PRKCB: variants seen among roughly 807,000 people sequenced by gnomAD.
PRKCB encodes the protein protein kinase C beta, also known as protein kinase C beta type.
Under a neutral mutation model 81.5 loss-of-function variants are expected in PRKCB, and 13 were observed. That is an observed-to-expected ratio of 0.16 (90% CI 0.10 to 0.25). The LOEUF (loss-of-function observed/expected upper bound fraction) is 0.25, where lower values mean the gene tolerates loss of function less well. Among genes scored for constraint, PRKCB ranks in the 10% least tolerant of loss-of-function variants. The pLI, the probability that PRKCB is intolerant of heterozygous loss-of-function variation, is 1.00. For missense variants in PRKCB, 509 were observed against 875.7 expected, an observed-to-expected ratio of 0.58 and a Z score of 5.29; for synonymous variants, 335 against 321.4, an observed-to-expected ratio of 1.04 and a Z score of -0.45.
chr16:24,213,611 T>C (rs1968180130), intron 16 of PRKCB, among the ~76,000 whole-genome samples: 1 of 152,232 alleles, frequency 6.6e-6, no homozygotes, highest in Non-Finnish European at 1.5e-5. Context: ...ATAATTGTTA[T>C]TACTCCTACT....
At chr16:23,915,709 A>AAAAAAAAAAAAAAAC in intron 2 of PRKCB, among the ~76,000 whole-genome samples, 1 of 150,842 alleles carries the variant, frequency 6.6e-6, no homozygotes, top group African/African-American at 2.4e-5. Context: ...AAAAAAAAAA[A>AAAAAAAAAAAAAAAC]AAAGCAGAAA....
chr16:24,166,236 A>T (rs575391342), intron 10 of PRKCB, among the ~76,000 whole-genome samples: 1 of 152,316 alleles, frequency 6.6e-6, no homozygotes, highest in South Asian at 2.1e-4. Context: ...TGACTTTGGT[A>T]TGAAGTTAAA....
intron 15 of PRKCB, among the ~76,000 whole-genome samples, chr16:24,188,308 C>T (rs1309037476): frequency 6.6e-6 from 1 of 152,196 alleles, no homozygotes; most frequent in Non-Finnish European, 1.5e-5. Context: ...CAGCCAAATG[C>T]TTCCTCTGGA....
At chr16:24,156,272 C>T (rs1967154474) in intron 10 of PRKCB, among the ~76,000 whole-genome samples, 1 of 151,834 alleles carries the variant, frequency 6.6e-6, no homozygotes, top group African/African-American at 2.4e-5. Context: ...CCAAGGGTGG[C>T]TAAAGTTGGC....
At chr16:24,128,430 G>A (rs552156961) in intron 9 of PRKCB, among the ~76,000 whole-genome samples, 1 of 152,358 alleles carries the variant, frequency 6.6e-6, no homozygotes, top group East Asian at 1.9e-4. Context: ...CTAGGGAATG[G>A]CACAAGCCTT....
intron 2 of PRKCB, among the ~76,000 whole-genome samples, chr16:23,956,261 G>A (rs1486763104): frequency 2.0e-5 from 3 of 151,964 alleles, no homozygotes; most frequent in Non-Finnish European, 4.4e-5. Flanking sequence ...GGGACTACAG[G>A]CACGCGCCAC....
rs189562348 is a variant in PRKCB at position 23,947,908 on chromosome 16, A to G, written c.206-40600A>G. Among the ~76,000 whole-genome samples the G allele has an allele frequency of 1.2e-3, 125 of 108,314 alleles. 1 individual carries two copies. The East Asian group carries it at 0.035, about 30-fold the overall frequency. 71.1% of individuals were successfully genotyped at this position (108,314 alleles called of 152,430 possible). Reference sequence around the variant, plus strand: ...CGCTTTTTTTTTTTTTTTTTTTAATATTTGTGAATTCGCCACCTCATAAAC... The same window carrying G: ...CGCTTTTTTTTTTTTTTTTTTTAATGTTTGTGAATTCGCCACCTCATAAAC... On this transcript the variant is annotated intron_variant, in intron 2 of 16. Coordinates refer to ENST00000643927, the MANE Select transcript of PRKCB (RefSeq NM_002738.7).
chr16:24,043,259 A>G (rs1206491182), intron 5 of PRKCB, among the ~76,000 whole-genome samples: 2 of 152,140 alleles, frequency 1.3e-5, no homozygotes, highest in South Asian at 4.1e-4. Context: ...ATGACATGAA[A>G]CTTAATAGTT....
At chr16:24,089,922 C>T (rs1440606518) in intron 5 of PRKCB, among the ~76,000 whole-genome samples, 1 of 152,104 alleles carries the variant, frequency 6.6e-6, no homozygotes, top group Non-Finnish European at 1.5e-5. Flanking sequence ...CTGTGCTAAA[C>T]ATGTATATTC....
In PRKCB at chr16:24,216,711, G is replaced by A. The variant is rs1264965527; in HGVS notation, c.*1895G>A. ...CTGTCCCCACTGTGGTGGCAATCAG[G>A]ACCTAAGGTGAAGCAAACTTGAAGT... On this transcript the variant is annotated 3_prime_UTR_variant, in exon 17 of 17. Transcript: ENST00000643927. The A allele has an allele frequency of 7.1e-6, 7 of 985,368 alleles. No individual in the cohort carries two copies. The African/African-American group carries it at 1.0e-4, about 15-fold the overall frequency. 61.0% of individuals were successfully genotyped at this position (985,368 alleles called of 1,614,324 possible).
intron 2 of PRKCB, among the ~76,000 whole-genome samples, chr16:23,905,786 G>A (rs1271641809): frequency 6.6e-6 from 1 of 152,116 alleles, no homozygotes; most frequent in Non-Finnish European, 1.5e-5. Context: ...GATTGACTCT[G>A]TACCCACCCC....
At chr16:24,197,311 G>A (rs1967894073) in intron 16 of PRKCB, among the ~76,000 whole-genome samples, 1 of 152,140 alleles carries the variant, frequency 6.6e-6, no homozygotes, top group Non-Finnish European at 1.5e-5. Context: ...AGTAGGTGGA[G>A]AAAATGACGT....
At chr16:23,906,131 A>G (rs2141727842) in intron 2 of PRKCB, among the ~76,000 whole-genome samples, 1 of 152,326 alleles carries the variant, frequency 6.6e-6, no homozygotes, top group Admixed American at 6.5e-5. Context: ...ATGTTGCTGA[A>G]TTGCTTTCTG....
intron 2 of PRKCB, among the ~76,000 whole-genome samples, chr16:23,967,538 A>G (rs1288569712): frequency 6.6e-6 from 1 of 152,268 alleles, no homozygotes. Context: ...TTAGGTTGCT[A>G]TCAGGAACAA....
chr16:24,080,144 G>A (rs1180985197), intron 5 of PRKCB, among the ~76,000 whole-genome samples: 1 of 152,154 alleles, frequency 6.6e-6, no homozygotes, highest in Non-Finnish European at 1.5e-5. Flanking sequence ...GAAGACCACA[G>A]GCAGGAAACC....
chr16:23,836,216 A>G lies in PRKCB; in HGVS notation c.41A>G (p.Glu14Gly), dbSNP rs1243136292. ...PAAGPPPSEGEESTVRFARKG... is the reference protein window; with the variant it reads ...PAAGPPPSEGGESTVRFARKG... ...GCGGGGCCGCCGCCGAGCGAGGGCG[A>G]GGAGAGCACCGTGCGCTTCGCCCGC... Residue 14 changes from glutamate to glycine, a missense_variant, in exon 1 of 17, where the codon GAG (glutamate) becomes GGG (glycine). Coordinates refer to ENST00000643927, the MANE Select transcript of PRKCB (RefSeq NM_002738.7). 5 of 1,581,956 alleles carry G rather than the reference A, an allele frequency of 3.2e-6. No homozygotes were observed. Among genetic ancestry groups the G allele is most frequent in the African/African-American group, 1.4e-5 (1 of 70,638 alleles).
chr16:24,188,286 T>C (rs1376977423), intron 15 of PRKCB, among the ~76,000 whole-genome samples: 5 of 152,184 alleles, frequency 3.3e-5, no homozygotes, highest in African/African-American at 1.2e-4. Flanking sequence ...AAACGAGTGA[T>C]GCTCAAGCAA....
In PRKCB at chr16:24,214,883, TTA is replaced by T; in HGVS notation, c.*69_*70del. The stretch of plus-strand genomic sequence containing the variant: ...CTCAACGGCTATTGTGGTGACATTT[TTA>T]TGTTTTTCATTGCCAAGTTGCATCC... On this transcript the variant is annotated 3_prime_UTR_variant, in exon 17 of 17. Transcript: ENST00000643927. 4 of 1,576,974 alleles carry T rather than the reference TTA, an allele frequency of 2.5e-6. No homozygotes were observed. The South Asian group carries it at 3.6e-5, about 14-fold the overall frequency.
At chr16:23,991,748 G>T (rs1596501841) in intron 3 of PRKCB, among the ~76,000 whole-genome samples, 1 of 152,170 alleles carries the variant, frequency 6.6e-6, no homozygotes, top group African/African-American at 2.4e-5. Flanking sequence ...AGGAAGGCTT[G>T]TCTCCTATGC....
Sources: gnomAD v4.1 joint callset for allele counts (sites outside exome capture counted in the v4.1 genomes callset) on GRCh38, gnomAD v4.1.1 for gene constraint, MANE v1.5 for transcripts, NCBI Gene and HGNC (gene_info 2026-07-23, HGNC 2026-07-21) for gene names.